Variants in NPAS3 observed in about 807,000 individuals in gnomAD.
NPAS3 encodes the protein neuronal PAS domain protein 3.
Under a neutral mutation model 73.1 loss-of-function variants are expected in NPAS3, and 14 were observed. The observed-to-expected ratio is 0.19, with a 90% CI of 0.13 to 0.30. NPAS3 has a LOEUF of 0.30. Ranked by LOEUF, NPAS3 falls within the 10% of genes least tolerant of loss-of-function variation. The pLI is 1.00. For missense variants in NPAS3, 1,096 were observed against 1,250.0 expected, an observed-to-expected ratio of 0.88 and a Z score of 1.86; for synonymous variants, 620 against 541.5, an observed-to-expected ratio of 1.14 and a Z score of -2.01.
chr14:33,567,709 T>C (rs1423510509), intron 5 of NPAS3, among the ~76,000 whole-genome samples: 1 of 152,258 alleles, frequency 6.6e-6, no homozygotes, highest in African/African-American at 2.4e-5. Flanking sequence ...GATGTTTTAC[T>C]TATTTTAACT....
chr14:33,296,254 T>A (rs1443958058), intron 3 of NPAS3, among the ~76,000 whole-genome samples: 1 of 152,198 alleles, frequency 6.6e-6, no homozygotes, highest in Non-Finnish European at 1.5e-5. Context: ...ATTGAAGATG[T>A]TGTTGTTACT....
intron 2 of NPAS3, among the ~76,000 whole-genome samples, chr14:33,171,637 T>C (rs1169289514): frequency 6.6e-6 from 1 of 152,244 alleles, no homozygotes; most frequent in Admixed American, 6.5e-5. Context: ...GCTGGTTTCA[T>C]CTTCTGTCAC....
At position 33,142,495 on chromosome 14, in the gene NPAS3, A is replaced by C. The variant is rs757437544; in HGVS notation, c.141-72687A>C. Among the ~76,000 whole-genome samples, 44 of 152,110 alleles carry C rather than the reference A, an allele frequency of 2.9e-4. No individual in the cohort carries two copies. The Middle Eastern group carries it at 0.01, about 36-fold the overall frequency. Reference sequence around the variant, plus strand: ...GCCATTTTTTTCTGTGCCATATGTCAGTGTTTGTATTCAAATCATACTGCT... The same window carrying C: ...GCCATTTTTTTCTGTGCCATATGTCCGTGTTTGTATTCAAATCATACTGCT... On this transcript the variant is annotated intron_variant, in intron 2 of 11. Coordinates refer to ENST00000356141, the Ensembl canonical transcript of NPAS3.
intron 3 of NPAS3, among the ~76,000 whole-genome samples, chr14:33,365,742 A>G (rs962820105): frequency 1.3e-5 from 2 of 152,210 alleles, no homozygotes; most frequent in African/African-American, 4.8e-5. Context: ...TTGCAGATAC[A>G]AACTCACATT....
At chr14:33,540,801 A>C (rs2054475656) in intron 4 of NPAS3, among the ~76,000 whole-genome samples, 1 of 152,174 alleles carries the variant, frequency 6.6e-6, no homozygotes, top group Admixed American at 6.5e-5. Context: ...AACAAGACTA[A>C]AAGTAAAATG....
At chr14:33,447,588 T>A (rs1399692711) in intron 4 of NPAS3, among the ~76,000 whole-genome samples, 1 of 152,088 alleles carries the variant, frequency 6.6e-6, no homozygotes, top group Non-Finnish European at 1.5e-5. Flanking sequence ...GAGAAAATAG[T>A]GAGGGCCTAA....
chr14:33,365,017 G>C (rs1473462952), intron 3 of NPAS3, among the ~76,000 whole-genome samples: 1 of 147,088 alleles, frequency 6.8e-6, no homozygotes, highest in Non-Finnish European at 1.5e-5. Context: ...GGAGGGGGGA[G>C]GGGACGTGCA....
At chr14:33,761,802 A>T (rs560393185) in intron 7 of NPAS3, among the ~76,000 whole-genome samples, 2 of 152,326 alleles carry the variant, frequency 1.3e-5, no homozygotes, top group East Asian at 3.9e-4. Context: ...GCACAGTGCA[A>T]AAATTGATGA....
intron 3 of NPAS3, among the ~76,000 whole-genome samples, chr14:33,312,531 A>G (rs7153630): frequency 0.089 from 13,549 of 152,090 alleles, 2,003 homozygotes; most frequent in African/African-American, 0.3. Flanking sequence ...AAAAGTTGCA[A>G]CATTGGGTTG....
intron 5 of NPAS3, among the ~76,000 whole-genome samples, chr14:33,665,383 G>A (rs149271276): frequency 0.021 from 3,221 of 152,168 alleles, 116 homozygotes; most frequent in African/African-American, 0.072. Context: ...ACCATGGCGC[G>A]TGTATACCTA....
At chr14:33,220,979 A>C (rs2047402400) in intron 3 of NPAS3, among the ~76,000 whole-genome samples, 3 of 152,176 alleles carry the variant, frequency 2.0e-5, no homozygotes, top group African/African-American at 7.2e-5. Flanking sequence ...CAATCACAAC[A>C]TCTAAGTGGC....
intron 2 of NPAS3, among the ~76,000 whole-genome samples, chr14:33,141,540 C>G (rs1027964525): frequency 2.6e-5 from 4 of 152,128 alleles, no homozygotes; most frequent in Non-Finnish European, 5.9e-5. Context: ...TATTTCTATA[C>G]AGTTTTTCAA....
At chr14:33,330,289 A>G (rs58670065) in intron 3 of NPAS3, among the ~76,000 whole-genome samples, 1 of 151,986 alleles carries the variant, frequency 6.6e-6, no homozygotes, top group East Asian at 1.9e-4. Context: ...CACTGCACGA[A>G]TATGCTTACT....
In NPAS3 at chr14:33,578,419, C is replaced by G. The variant is rs1442859245; in HGVS notation, c.558+18209C>G. 3 of 351,278 alleles carry G rather than the reference C, an allele frequency of 8.5e-6. No homozygotes were observed. The Admixed American group carries it at 1.2e-4, about 14-fold the overall frequency. The allele number at this position is 351,278 out of a possible 1,614,324, so 21.8% of individuals were successfully genotyped here. ...ATTTTGGTCAGGGTGGTCTGGAACT[C>G]AAAACCTCAGGTGATCTGCCCGCCT... is the stretch of plus-strand genomic sequence containing the variant. On this transcript the variant is annotated intron_variant, in intron 5 of 11. Transcript: ENST00000356141.
intron 3 of NPAS3, among the ~76,000 whole-genome samples, chr14:33,318,345 C>G (rs753629904): frequency 6.6e-6 from 1 of 151,872 alleles, no homozygotes; most frequent in South Asian, 2.1e-4. Flanking sequence ...CTGAGGGTAG[C>G]GAGGAATGGG....
rs558890537 is a variant in NPAS3, at chr14:33,591,423, A to G, written c.558+31213A>G. On this transcript the variant is annotated intron_variant, in intron 5 of 11. Coordinates refer to ENST00000356141, the Ensembl canonical transcript of NPAS3. The stretch of plus-strand genomic sequence containing the variant: ...AAAAGCCATTTGTCTTGGGAAGTGC[A>G]GAGACCATTTGTCTTGGGAACTACA... Among the ~76,000 whole-genome samples the G allele has an allele frequency of 1.8e-3, 272 of 152,346 alleles. 2 individuals are homozygous for G. Among genetic ancestry groups the G allele is most frequent in the Middle Eastern group, 6.8e-3 (2 of 294 alleles).
At chr14:33,635,450 G>A (rs2058487765) in intron 5 of NPAS3, among the ~76,000 whole-genome samples, 1 of 152,190 alleles carries the variant, frequency 6.6e-6, no homozygotes. Context: ...GACTAGAAGA[G>A]AGGTATCATT....
At position 33,308,381 on chromosome 14, in the gene NPAS3, G is replaced by T. The variant is rs184183263; in HGVS notation, c.386-58805G>T. On this transcript the variant is annotated intron_variant, in intron 3 of 11. Transcript: ENST00000356141. ...CAGAAAATGGAAGTGATGAAGCTTGGCTTCACACAATAGCTTATACCAAAT... is the reference window on the plus strand; with the variant it reads ...CAGAAAATGGAAGTGATGAAGCTTGTCTTCACACAATAGCTTATACCAAAT... Among the ~76,000 whole-genome samples, 72 of 151,914 alleles carry T rather than the reference G, an allele frequency of 4.7e-4. 1 individual carries two copies. The South Asian group carries it at 6.7e-3, about 14-fold the overall frequency.
chr14:33,013,933 C>G (rs966585037), intron 1 of NPAS3, among the ~76,000 whole-genome samples: 2 of 152,046 alleles, frequency 1.3e-5, no homozygotes, highest in Non-Finnish European at 2.9e-5. Flanking sequence ...CTTTTCATGT[C>G]AGTAACAACA....
Sources: gnomAD v4.1 joint callset for allele counts (sites outside exome capture counted in the v4.1 genomes callset) on GRCh38, gnomAD v4.1.1 for gene constraint, MANE v1.5 for transcripts, NCBI Gene and HGNC (gene_info 2026-07-23, HGNC 2026-07-21) for gene names.